TUSC3: variants seen among roughly 807,000 people sequenced by gnomAD.
TUSC3 encodes dolichyl-diphosphooligosaccharide--protein glycosyltransferase subunit TUSC3.
TUSC3 carries 45 observed loss-of-function variants against 44.8 expected under a neutral mutation model. The observed-to-expected ratio is 1.00, with a 90% CI of 0.79 to 1.29. The LOEUF (loss-of-function observed/expected upper bound fraction) is 1.29, where lower values mean the gene tolerates loss of function less well. Among genes scored for constraint, TUSC3 ranks in the 50% most tolerant of loss-of-function variants. The probability of loss-of-function intolerance (pLI) is 0.00; values close to 1 mark genes in which losing one functional copy is unlikely to be tolerated. For synonymous variants in TUSC3, 212 were observed against 152.9 expected (o/e 1.39, Z -2.85); for missense variants, 519 against 437.9 (o/e 1.19, Z -1.65).
At chr8:15,667,559 G>A (rs1434519787) in intron 5 of TUSC3, among the ~76,000 whole-genome samples, 4 of 151,606 alleles carry the variant, frequency 2.6e-5, no homozygotes, top group East Asian at 1.9e-4. Flanking sequence ...TATAAAATGT[G>A]TATAGAATAT....
chr8:15,573,005 C>T (rs550397531), intron 1 of TUSC3, among the ~76,000 whole-genome samples: 1 of 151,934 alleles, frequency 6.6e-6, no homozygotes, highest in South Asian at 2.1e-4. Flanking sequence ...ACTGACTGAG[C>T]ACATGCTGTG....
intron 6 of TUSC3, among the ~76,000 whole-genome samples, chr8:15,718,703 TTAGA>T (rs1473872865): frequency 6.6e-6 from 1 of 152,136 alleles, no homozygotes; most frequent in African/African-American, 2.4e-5. Flanking sequence ...TTTCATAAAC[TTAGA>T]TATATAACTT....
the TUSC3 span, among the ~76,000 whole-genome samples, chr8:15,790,342 C>T: frequency 6.6e-6 from 1 of 152,078 alleles, no homozygotes; most frequent in South Asian, 2.1e-4. Flanking sequence ...CATGCCACCA[C>T]TCTCAGCTAA....
chr8:15,811,440 G>C, the TUSC3 span, among the ~76,000 whole-genome samples: 9 of 152,154 alleles, frequency 5.9e-5, no homozygotes, highest in African/African-American at 1.9e-4. Context: ...GGTCAAGCCC[G>C]GGGGTAGTTG....
chr8:15,616,876 G>GC (rs1413233321), intron 1 of TUSC3, among the ~76,000 whole-genome samples: 1 of 152,114 alleles, frequency 6.6e-6, no homozygotes, highest in African/African-American at 2.4e-5. Context: ...CCAGCCACAG[G>GC]CCAAGCATAG....
chr8:15,459,716 G>T (rs2129121680), intron 1 of TUSC3, among the ~76,000 whole-genome samples: 1 of 152,184 alleles, frequency 6.6e-6, no homozygotes, highest in African/African-American at 2.4e-5. Context: ...GAGAAGATAT[G>T]ATGTTTGATT....
At chr8:15,694,601 G>A (rs1219221162) in intron 6 of TUSC3, among the ~76,000 whole-genome samples, 1 of 152,096 alleles carries the variant, frequency 6.6e-6, no homozygotes, top group Non-Finnish European at 1.5e-5. Context: ...CTTTGGATGA[G>A]TTTTTTGTTC....
intron 1 of TUSC3, among the ~76,000 whole-genome samples, chr8:15,566,892 C>G (rs1485551735): frequency 6.6e-6 from 1 of 152,124 alleles, no homozygotes; most frequent in Non-Finnish European, 1.5e-5. Flanking sequence ...TTCGGCCTCC[C>G]AAACCATTGG....
chr8:15,760,525 G>A (rs1450708350), intron 10 of TUSC3, among the ~76,000 whole-genome samples: 2 of 152,118 alleles, frequency 1.3e-5, no homozygotes, highest in Non-Finnish European at 2.9e-5. Flanking sequence ...ACTGCTGTCT[G>A]TGTTAGTTTA....
At chr8:15,498,231 C>T (rs773293484) in intron 2 of TUSC3, among the ~76,000 whole-genome samples, 13 of 152,126 alleles carry the variant, frequency 8.5e-5, no homozygotes, top group Non-Finnish European at 1.8e-4. Context: ...AAGATTGTAC[C>T]TTCCAGTGGA....
At chr8:15,568,164 TG>T (rs1162802100) in intron 1 of TUSC3, among the ~76,000 whole-genome samples, 2 of 152,050 alleles carry the variant, frequency 1.3e-5, no homozygotes, top group Non-Finnish European at 2.9e-5. Context: ...CCTGTGAAAT[TG>T]GAAGGATGTG....
the TUSC3 span, among the ~76,000 whole-genome samples, chr8:15,851,262 G>C: frequency 3.3e-5 from 5 of 152,054 alleles, no homozygotes; most frequent in Non-Finnish European, 5.9e-5. Flanking sequence ...TATTTATTGA[G>C]CATCTTTTAT....
intron 2 of TUSC3, among the ~76,000 whole-genome samples, chr8:15,518,262 T>C (rs1801249082): frequency 6.6e-6 from 1 of 152,300 alleles, no homozygotes. Context: ...AAATACCGTA[T>C]CTTTTCATCA....
chr8:15,567,646 G>A (rs1365869749), intron 1 of TUSC3, among the ~76,000 whole-genome samples: 1 of 152,072 alleles, frequency 6.6e-6, no homozygotes, highest in Non-Finnish European at 1.5e-5. Context: ...AAGCATGAGA[G>A]TGAGCAAAAA....
intron 6 of TUSC3, among the ~76,000 whole-genome samples, chr8:15,695,107 G>T (rs1485249710): frequency 1.3e-5 from 2 of 152,198 alleles, no homozygotes; most frequent in African/African-American, 4.8e-5. Context: ...TGTCAGTGCA[G>T]TGGTGGTGTC....
At chr8:15,809,424 G>T in the TUSC3 span, among the ~76,000 whole-genome samples, 2 of 152,266 alleles carry the variant, frequency 1.3e-5, no homozygotes, top group South Asian at 2.1e-4. Flanking sequence ...AAACAAAAAT[G>T]AAGTTAGTTA....
At chr8:15,822,969 C>G in the TUSC3 span, among the ~76,000 whole-genome samples, 1 of 152,080 alleles carries the variant, frequency 6.6e-6, no homozygotes, top group Non-Finnish European at 1.5e-5. Flanking sequence ...CCTCGTAACT[C>G]AATAATACCG....
At chr8:15,461,044 G>C (rs1024671809) in intron 1 of TUSC3, among the ~76,000 whole-genome samples, 1 of 152,108 alleles carries the variant, frequency 6.6e-6, no homozygotes, top group South Asian at 2.1e-4. Context: ...TTTTAGAATT[G>C]TGTTTTCTAA....
At chr8:15,769,054 A>G (rs1480356527), downstream of TUSC3, among the ~76,000 whole-genome samples, 1 of 152,198 alleles carries the variant, frequency 6.6e-6, no homozygotes, top group African/African-American at 2.4e-5. Flanking sequence ...GACTTTCTTT[A>G]TAGAATTAGA....
Sources: gnomAD v4.1 joint callset for allele counts (sites outside exome capture counted in the v4.1 genomes callset) on GRCh38, gnomAD v4.1.1 for gene constraint, MANE v1.5 for transcripts, NCBI Gene and HGNC (gene_info 2026-07-23, HGNC 2026-07-21) for gene names.